The following ARHGEF9 variants were observed in gnomAD, a reference collection of about 807,000 sequenced individuals.
The protein encoded by ARHGEF9 is Cdc42 guanine nucleotide exchange factor 9.
In ARHGEF9, 2 loss-of-function variants were observed where a neutral mutation model predicts 41.3. That is an observed-to-expected ratio of 0.05 (90% confidence interval 0.02 to 0.15). ARHGEF9 has a LOEUF of 0.15. ARHGEF9 is among the 10% of genes least tolerant of loss of function. The probability of loss-of-function intolerance (pLI) is 1.00; values close to 1 mark genes in which losing one functional copy is unlikely to be tolerated. For synonymous variants in ARHGEF9, 160 were observed against 154.4 expected (o/e 1.04, Z -0.27); for missense variants, 225 against 424.7 (o/e 0.53, Z 4.13).
At chrX:63,780,348 G>T (rs1556461334) in intron 1 of ARHGEF9, among the ~76,000 whole-genome samples, 1 of 111,152 alleles carries the variant, frequency 9.0e-6, no homozygotes, top group African/African-American at 3.3e-5. Flanking sequence ...TCCATCTGGA[G>T]AGATGGCCAC....
At chrX:63,762,728 C>T (rs2056054205) in intron 1 of ARHGEF9, among the ~76,000 whole-genome samples, 1 of 111,228 alleles carries the variant, frequency 9.0e-6, no homozygotes, top group South Asian at 3.8e-4. Flanking sequence ...TCCACTTATA[C>T]CGGGACTTTT....
At chrX:63,760,139 T>C (rs1482600969) in intron 1 of ARHGEF9, among the ~76,000 whole-genome samples, 52 of 110,468 alleles carry the variant, frequency 4.7e-4, no homozygotes, top group Non-Finnish European at 1.3e-4. Flanking sequence ...ATGTTTTGCA[T>C]AGCTCCCAAA....
rs781823633 is a variant in ARHGEF9 at position 63,776,815 on chromosome X, G to T, written c.30+8301C>A. Among the ~76,000 whole-genome samples, 11 of 111,703 alleles carry T rather than the reference G, an allele frequency of 9.8e-5. No individual in the cohort carries two copies. In the East Asian group the frequency reaches 3.1e-3, roughly 32 times the overall value. On this transcript the variant is annotated intron_variant, in intron 1 of 9. Transcript: ENST00000671741. ...TACCTCTCACTTTCCCAAGCTGTAC[G>T]GCACTTTTAAATGCTAGGTAGTTCA...
At chrX:63,702,127 T>G (rs1569479405) in intron 3 of ARHGEF9, among the ~76,000 whole-genome samples, 3 of 112,589 alleles carry the variant, frequency 2.7e-5, no homozygotes, top group East Asian at 5.6e-4. Context: ...GTGAATGGTA[T>G]GATCACTAAT....
intron 6 of ARHGEF9, among the ~76,000 whole-genome samples, chrX:63,666,449 T>TACACACACACACACAC (rs782141996): frequency 5.0e-4 from 10 of 19,849 alleles, no homozygotes; most frequent in African/African-American, 1.5e-3. Flanking sequence ...CATATATATA[T>TACACACACACACACAC]ACATACACAC....
chrX:63,755,921 A>T (rs1468462016), intron 1 of ARHGEF9: 4 of 677,855 alleles, frequency 5.9e-6, no homozygotes, highest in Non-Finnish European at 7.0e-6. Flanking sequence ...CTATGAAGGG[A>T]AGCCAGCATA....
intron 5 of ARHGEF9, 137 bp downstream of exon 5, chrX:63,678,203 G>A (rs1432923972): frequency 1.8e-6 from 1 of 560,712 alleles, no homozygotes; most frequent in Non-Finnish European, 3.0e-6. Context: ...TGGCTATGAG[G>A]CAATCAAGAA....
intron 1 of ARHGEF9, among the ~76,000 whole-genome samples, chrX:63,777,159 G>A (rs1556459091): frequency 9.0e-6 from 1 of 111,525 alleles, no homozygotes; most frequent in South Asian, 3.8e-4. Flanking sequence ...CATTGGCTGG[G>A]GAGGCCTCAG....
At chrX:63,776,349 C>T (rs1166671566) in intron 1 of ARHGEF9, among the ~76,000 whole-genome samples, 1 of 111,321 alleles carries the variant, frequency 9.0e-6, no homozygotes, top group African/African-American at 3.3e-5. Context: ...CACAACTATT[C>T]AACTCTGCTT....
At chrX:63,722,309 T>C (rs782046751) in intron 2 of ARHGEF9, among the ~76,000 whole-genome samples, 5 of 111,814 alleles carry the variant, frequency 4.5e-5, no homozygotes, top group African/African-American at 6.5e-5. Flanking sequence ...TGAAGATACC[T>C]CACCATGTCA....
chrX:63,649,352 C>T (rs1320455194), intron 8 of ARHGEF9, among the ~76,000 whole-genome samples: 11 of 109,679 alleles, frequency 1.0e-4, no homozygotes, highest in African/African-American at 2.3e-4. Flanking sequence ...GGGTACATAA[C>T]GAAATGAAGG....
chrX:63,676,270 G>A (rs2050255180), intron 5 of ARHGEF9, among the ~76,000 whole-genome samples: 1 of 112,174 alleles, frequency 8.9e-6, no homozygotes, highest in Non-Finnish European at 1.9e-5. Flanking sequence ...TCTGTCTCAA[G>A]ACAAATATGT....
chrX:63,756,126 G>C (rs2055921650), intron 1 of ARHGEF9, among the ~76,000 whole-genome samples: 3 of 111,410 alleles, frequency 2.7e-5, no homozygotes, highest in South Asian at 3.8e-4. Flanking sequence ...TTCCTCTCAG[G>C]GGTCTGTCTT....
chrX:63,738,470 C>A (rs1269309797), intron 1 of ARHGEF9, among the ~76,000 whole-genome samples: 2 of 111,601 alleles, frequency 1.8e-5, no homozygotes, highest in African/African-American at 6.5e-5. Context: ...TACTTCTTGG[C>A]AGGGCTGTGC....
chrX:63,670,090 T>C (rs1266836075), intron 6 of ARHGEF9: 1 of 111,736 alleles, frequency 8.9e-6, no homozygotes, highest in Non-Finnish European at 1.9e-5. Flanking sequence ...CCCATTCTAA[T>C]TCTAATTCAC....
In ARHGEF9 at chrX:63,637,370, T is replaced by C; in HGVS notation, c.*658A>G. Reference sequence around the variant, plus strand: ...TTTTGTCACAGGGCACAACAGAGCATGTCCAGACTGGCATGACTGAGGACA... The same window carrying C: ...TTTTGTCACAGGGCACAACAGAGCACGTCCAGACTGGCATGACTGAGGACA... On this transcript the variant is annotated 3_prime_UTR_variant, in exon 10 of 10. Coordinates refer to ENST00000671741, the MANE Select transcript of ARHGEF9 (RefSeq NM_001353921.2). 3.4e-6 allele frequency: 1 copy of C among 296,257 alleles called. No individual in the cohort carries two copies. The highest frequency in any genetic ancestry group is 2.1e-4 in the South Asian group (1 of 4,795). 24.4% of individuals were successfully genotyped at this position (296,257 alleles called of 1,213,427 possible).
chrX:63,659,919 T>G (rs1569446612), intron 7 of ARHGEF9, among the ~76,000 whole-genome samples: 1 of 111,674 alleles, frequency 9.0e-6, no homozygotes, highest in South Asian at 3.7e-4. Flanking sequence ...TTCTCAGGAA[T>G]AGAATGCTTA....
At chrX:63,769,803 A>G (rs1395129107) in intron 1 of ARHGEF9, among the ~76,000 whole-genome samples, 1 of 112,712 alleles carries the variant, frequency 8.9e-6, no homozygotes, top group Non-Finnish European at 1.9e-5. Flanking sequence ...ACAAAAGTCA[A>G]AGATTAAGGT....
intron 1 of ARHGEF9, chrX:63,755,712 G>T: frequency 2.9e-6 from 1 of 342,319 alleles, no homozygotes; most frequent in Non-Finnish European, 3.8e-6. Flanking sequence ...AGAATTTACA[G>T]GCAACCCACA....
Sources: allele counts gnomAD v4.1 joint callset (sites outside exome capture counted in the v4.1 genomes callset), GRCh38; gene constraint gnomAD v4.1.1; transcripts MANE v1.5; gene names NCBI Gene and HGNC (gene_info 2026-07-23, HGNC 2026-07-21).